CNN2: variants seen among roughly 807,000 people sequenced by gnomAD.
The protein encoded by CNN2 is calponin 2.
In CNN2, 21 loss-of-function variants were observed where a neutral mutation model predicts 31.0. That is an observed-to-expected ratio of 0.68 (90% CI 0.48 to 0.98). The LOEUF (loss-of-function observed/expected upper bound fraction) is 0.98. CNN2 is among the 50% of genes least tolerant of loss of function. CNN2 has a pLI of 0.00. For synonymous variants in CNN2, 165 were observed against 179.6 expected (o/e 0.92, Z 0.65); for missense variants, 399 against 427.3 (o/e 0.93, Z 0.58).
chr19:1,035,344 C>A (rs926977715), intron 4 of CNN2, among the ~76,000 whole-genome samples: 3 of 152,160 alleles, frequency 2.0e-5, no homozygotes, highest in Non-Finnish European at 4.4e-5. Flanking sequence ...TTAGAGGAAG[C>A]GGGAGCTGGT....
rs187362628 is a variant in CNN2 at position 1,036,817 on chromosome 19, G to A, written c.654+255G>A. ...ATTTTCCCTTAAGGACTGCCCAAAG[G>A]TCCACCCAATTCTTTTTTTTTAATC... On this transcript the variant is annotated intron_variant, in intron 6 of 6. Transcript: ENST00000263097. 1.7e-5 allele frequency: 10 copies of A among 589,642 alleles called. No homozygotes were observed. The Admixed American group carries it at 2.6e-4, about 15-fold the overall frequency. The allele number at this position is 589,642 out of a possible 1,614,324, so 36.5% of individuals were successfully genotyped here. A position where few individuals can be genotyped will look rare whatever the true frequency, so the allele number is the denominator to read the frequency against.
At chr19:1,037,338 G>T (rs559404515) in intron 6 of CNN2, 4 of 370,836 alleles carry the variant, frequency 1.1e-5, no homozygotes, top group Non-Finnish European at 2.0e-5. Flanking sequence ...GGGTTTCACC[G>T]TGTTGGCCAG....
At position 1,037,969 on chromosome 19, in the gene CNN2, CTTT is replaced by C. The variant is rs60469398; in HGVS notation, c.*81_*83del. 174,256 of 1,191,592 alleles carry C rather than the reference CTTT, an allele frequency of 0.15. 6,881 individuals carry two copies. The highest frequency in any genetic ancestry group is 0.17 in the Non-Finnish European group (145,693 of 879,766). 73.8% of individuals were successfully genotyped at this position (1,191,592 alleles called of 1,614,324 possible). On this transcript the variant is annotated 3_prime_UTR_variant, in exon 7 of 7. Coordinates refer to ENST00000263097, the MANE Select transcript of CNN2 (RefSeq NM_004368.4). ...TTTTTGGGTTTTTCTGTGTTTTCAT[CTTT>C]TTTTTTTTTTTCTTAACCCGTTCAG...
chr19:1,026,877 G>A, intron 1 of CNN2, 153 bp downstream of exon 1: 1 of 694,614 alleles, frequency 1.4e-6, no homozygotes. Flanking sequence ...CCTGGTGGGG[G>A]GATGTCTGCG....
At chr19:1,030,494 C>T (rs1206750146) in intron 1 of CNN2, among the ~76,000 whole-genome samples, 4 of 152,044 alleles carry the variant, frequency 2.6e-5, no homozygotes, top group South Asian at 2.1e-4. Context: ...GGCCTGGTGG[C>T]GGGCGCCTGC....
rs780637979 is a variant in CNN2, at chr19:1,036,137, C to G, written c.398C>G (p.Thr133Ser). 1.9e-6 allele frequency: 3 copies of G among 1,611,054 alleles called. No individual in the cohort carries two copies. The Admixed American group carries it at 5.0e-5, about 27-fold the overall frequency. The change falls in exon 5 of 7, where the codon ACT (threonine) becomes AGT (serine). Residue 133 changes from threonine (T) to serine (S), a missense_variant. By Grantham distance (58) the Thr-to-Ser change is moderately conservative. Transcript: ENST00000263097. ...CCCCTTTCCCTCACCCAGGCCAAGA[C>G]TAAGGGGCTGCAGAGCGGGGTGGAC... ...SLLALAGKAK[T>S]KGLQSGVDIG...
intron 2 of CNN2, among the ~76,000 whole-genome samples, chr19:1,032,164 G>A (rs2039507990): frequency 6.6e-6 from 1 of 151,770 alleles, no homozygotes; most frequent in Admixed American, 6.6e-5. Flanking sequence ...GAACCCGGGA[G>A]GTGGAGGTGG....
At position 1,031,298 on chromosome 19, in the gene CNN2, T is replaced by C. The variant is rs529241375; in HGVS notation, c.185+106T>C. On this transcript the variant is annotated intron_variant, in intron 2 of 6. Transcript: ENST00000263097. The stretch of plus-strand genomic sequence containing the variant: ...TTTGGGGGGCCGGGCATGGCCTGGC[T>C]CATGCCTGTAATCCCAGCACTTTTG... 12 of 788,074 alleles carry C rather than the reference T, an allele frequency of 1.5e-5. No homozygotes were observed. In the African/African-American group the frequency reaches 1.9e-4, roughly 13 times the overall value. 48.8% of individuals were successfully genotyped at this position (788,074 alleles called of 1,614,324 possible). A position where few individuals can be genotyped will look rare whatever the true frequency, so the allele number is the denominator to read the frequency against.
At position 1,036,440 on chromosome 19, in the gene CNN2, C is replaced by G; in HGVS notation, c.532C>G (p.Gln178Glu). Residue 178 changes from glutamine to glutamate, a missense_variant, in exon 6 of 7, where the codon CAG (glutamine) becomes GAG (glutamate). Physicochemically the swap from Gln to Glu is conservative, Grantham distance 29 (BLOSUM62 2). Coordinates refer to ENST00000263097, the MANE Select transcript of CNN2 (RefSeq NM_004368.4). ...GATGGGCACCAACAAATGCGCCAGC[C>G]AGTCGGGCATGACTGCCTACGGCAC... ...LQMGTNKCAS[Q>E]SGMTAYGTRR... is the part of the protein sequence containing the mutation. 1.2e-6 allele frequency: 2 copies of G among 1,613,004 alleles called. No individual in the cohort carries two copies. Among genetic ancestry groups the G allele is most frequent in the Non-Finnish European group, 1.7e-6 (2 of 1,179,188 alleles).
In CNN2 at chr19:1,038,200, G is replaced by C; in HGVS notation, c.*300G>C. On this transcript the variant is annotated 3_prime_UTR_variant, in exon 7 of 7. Transcript: ENST00000263097. Reference sequence around the variant, plus strand: ...GGAAGAAGAGACCTGGGCTTGGAAGGAACCGGTCCCCGACGGTTTCTGCTT... The same window carrying C: ...GGAAGAAGAGACCTGGGCTTGGAAGCAACCGGTCCCCGACGGTTTCTGCTT... The C allele has an allele frequency of 2.9e-6, 1 of 339,280 alleles. No individual in the cohort carries two copies. The highest frequency in any genetic ancestry group is 5.3e-6 in the Non-Finnish European group (1 of 187,342). The allele number at this position is 339,280 out of a possible 1,614,324, so 21.0% of individuals were successfully genotyped here. A position where few individuals can be genotyped will look rare whatever the true frequency, so the allele number is the denominator to read the frequency against.
intron 2 of CNN2, 98 bp downstream of exon 2, chr19:1,031,290 G>GAGCCAGGCCAT: frequency 9.8e-7 from 1 of 1,019,176 alleles, no homozygotes; most frequent in Non-Finnish European, 1.3e-6. Flanking sequence ...GGCCGGGCAT[G>GAGCCAGGCCAT]GCCTGGCTCA....
At chr19:1,030,376 C>T (rs1224940549) in intron 1 of CNN2, among the ~76,000 whole-genome samples, 1 of 152,124 alleles carries the variant, frequency 6.6e-6, no homozygotes, top group Non-Finnish European at 1.5e-5. Context: ...CCTGTAATCC[C>T]AGCACTTTGG....
chr19:1,035,651 G>A (rs10403470), intron 4 of CNN2, among the ~76,000 whole-genome samples: 4,948 of 152,276 alleles, frequency 0.032, 278 homozygotes, highest in African/African-American at 0.11. Context: ...GGCTGGGCGC[G>A]GTGGCTCACG....
At chr19:1,036,706 G>T in intron 6 of CNN2, 144 bp downstream of exon 6, 1 of 962,556 alleles carries the variant, frequency 1.0e-6, no homozygotes, top group Non-Finnish European at 1.6e-6. Context: ...TTCCCTCCCC[G>T]CTCTCTGTCT....
chr19:1,037,325 A>G (rs1599518543), intron 6 of CNN2: 1 of 324,018 alleles, frequency 3.1e-6, no homozygotes, highest in Non-Finnish European at 5.8e-6. Context: ...TTTAGTAGAT[A>G]TGGGGTTTCA....
At chr19:1,032,343 G>GC (rs1197963523) in intron 2 of CNN2, 49 bp from the exon 3 acceptor site, 1 of 1,608,944 alleles carries the variant, frequency 6.2e-7, no homozygotes, top group Non-Finnish European at 8.5e-7. Flanking sequence ...ACGGTTCCTC[G>GC]CTGCTCACAG....
At chr19:1,026,851 C>A in intron 1 of CNN2, 127 bp downstream of exon 1, 1 of 873,358 alleles carries the variant, frequency 1.1e-6, no homozygotes, top group Non-Finnish European at 1.7e-6. Flanking sequence ...CGGACGGGCC[C>A]TTGTTCTCCC....
Position 1,036,504 on chromosome 19 carries a change from C to A in CNN2, c.596C>A (p.Pro199His). 6.2e-7 allele frequency: 1 copy of A among 1,613,338 alleles called. No individual in the cohort carries two copies. Among genetic ancestry groups the A allele is most frequent in the Non-Finnish European group, 8.5e-7 (1 of 1,179,352 alleles). The change falls in exon 6 of 7, where the codon CCC becomes CAC. Residue 199 changes from proline (P) to histidine (H), a missense_variant. Pro to His is a moderately conservative substitution (Grantham distance 77, BLOSUM62 -2). Transcript: ENST00000263097. ...TATGACCCCAAGAACCATATCCTGCCCCCCATGGACCACTCGACCATCAGC... is the reference window on the plus strand; with the variant it reads ...TATGACCCCAAGAACCATATCCTGCACCCCATGGACCACTCGACCATCAGC... ...HLYDPKNHIL[P>H]PMDHSTISLQ...
At position 1,026,684 on chromosome 19, in the gene CNN2, A is replaced by T; in HGVS notation, c.23A>T (p.Lys8Met). ...GCCATGAGCTCCACGCAGTTCAACA[A>T]GGGCCCCTCGTACGGGCTGTCGGCC... MSSTQFNKGPSYGLSAEV... is the reference protein window; with the variant it reads MSSTQFNMGPSYGLSAEV... The change falls in exon 1 of 7, where the codon AAG becomes ATG. Residue 8 changes from lysine to methionine, a missense_variant. Lys to Met is a moderately conservative substitution (Grantham distance 95). Coordinates refer to ENST00000263097, the MANE Select transcript of CNN2 (RefSeq NM_004368.4). The T allele has an allele frequency of 6.5e-7, 1 of 1,549,092 alleles. No homozygotes were observed. Among genetic ancestry groups the T allele is most frequent in the Admixed American group, 1.9e-5 (1 of 51,350 alleles).
Sources: allele counts gnomAD v4.1 joint callset (sites outside exome capture counted in the v4.1 genomes callset), GRCh38; gene constraint gnomAD v4.1.1; transcripts MANE v1.5; gene names NCBI Gene and HGNC (gene_info 2026-07-23, HGNC 2026-07-21).